USP33: variants seen among roughly 807,000 people sequenced by gnomAD.
The protein encoded by USP33 is ubiquitin carboxyl-terminal hydrolase 33.
A neutral mutation model predicts 124.2 loss-of-function variants in USP33; 46 were observed. That is an observed-to-expected ratio of 0.37 (90% confidence interval 0.29 to 0.47). The LOEUF (loss-of-function observed/expected upper bound fraction) is 0.47. Ranked by LOEUF, USP33 falls within the 20% of genes least tolerant of loss-of-function variation. The pLI is 0.99. For synonymous variants in USP33, 350 were observed against 352.3 expected (o/e 0.99, Z 0.07); for missense variants, 851 against 1,070.6 (o/e 0.79, Z 2.86).
At chr1:77,698,283 C>G (rs1303943339) in intron 22 of USP33, among the ~76,000 whole-genome samples, 2 of 147,284 alleles carry the variant, frequency 1.4e-5, no homozygotes, top group Admixed American at 1.4e-4. Flanking sequence ...CCATGTTGGT[C>G]AGGCTGGTCT....
In USP33 at chr1:77,713,057, C is replaced by T. The variant is rs1271229712; in HGVS notation, c.2297+143G>A. The T allele has an allele frequency of 4.8e-6, 3 of 624,436 alleles. No individual in the cohort carries two copies. The African/African-American group carries it at 5.9e-5, about 12-fold the overall frequency. The allele number at this position is 624,436 out of a possible 1,614,324, so 38.7% of individuals were successfully genotyped here. ...GACTATGCCACAGTAGCTACAAAGTCTTCCTACTCACACTTTAGAATGAAT... is the reference window on the plus strand; with the variant it reads ...GACTATGCCACAGTAGCTACAAAGTTTTCCTACTCACACTTTAGAATGAAT... On this transcript the variant is annotated intron_variant, in intron 20 of 23. Coordinates refer to ENST00000370794, the MANE Select transcript of USP33 (RefSeq NM_201624.3).
In USP33 at chr1:77,734,417, C is replaced by A; in HGVS notation, c.455-1G>T. The A allele has an allele frequency of 6.3e-7, 1 of 1,575,632 alleles. No individual in the cohort carries two copies. The highest frequency in any genetic ancestry group is 1.9e-5 in the Admixed American group (1 of 53,242). On this transcript the variant is annotated splice_acceptor_variant, in intron 6 of 23. Coordinates refer to ENST00000370794, the MANE Select transcript of USP33 (RefSeq NM_201624.3). LOFTEE classifies it high-confidence loss of function. The stretch of plus-strand genomic sequence containing the variant: ...CCAATATTTTTCAAACCTGTAAGAC[C>A]TATTAAGAAAAAATATACATGAAGT...
At chr1:77,700,836 G>A (rs1673927221) in intron 22 of USP33, among the ~76,000 whole-genome samples, 1 of 151,862 alleles carries the variant, frequency 6.6e-6, no homozygotes, top group Non-Finnish European at 1.5e-5. Flanking sequence ...GAGTAGCTGG[G>A]ATTACAGGTG....
At chr1:77,730,519 T>C (rs1203401637) in intron 8 of USP33, 99 bp downstream of exon 8, 1 of 851,258 alleles carries the variant, frequency 1.2e-6, no homozygotes, top group Non-Finnish European at 1.7e-6. Context: ...ATCTCTCTTC[T>C]ACTTTTTTCC....
At chr1:77,711,971 T>A in intron 20 of USP33, 116 bp from the exon 21 acceptor site, 1 of 1,057,996 alleles carries the variant, frequency 9.5e-7, no homozygotes, top group African/African-American at 1.7e-5. Flanking sequence ...CAAAGTAATA[T>A]AAAAATCAAA....
chr1:77,730,476 G>A, intron 8 of USP33, 142 bp downstream of exon 8: 1 of 519,494 alleles, frequency 1.9e-6, no homozygotes, highest in East Asian at 3.4e-5. Context: ...AGCTTCAAAT[G>A]TAACATGCCT....
At chr1:77,759,290 G>C (rs929510613) in intron 1 of USP33, 3 of 289,186 alleles carry the variant, frequency 1.0e-5, no homozygotes, top group Middle Eastern at 9.2e-4. Context: ...GAGAGGGACT[G>C]GCAAGCCTGA....
chr1:77,738,609 T>G (rs1186185857), intron 5 of USP33, among the ~76,000 whole-genome samples: 1 of 151,984 alleles, frequency 6.6e-6, no homozygotes, highest in African/African-American at 2.4e-5. Context: ...GCCTCCAAAG[T>G]AGCTGGGAAT....
intron 22 of USP33, among the ~76,000 whole-genome samples, chr1:77,699,475 C>T (rs1482875856): frequency 6.6e-6 from 1 of 152,138 alleles, no homozygotes; most frequent in African/African-American, 2.4e-5. Flanking sequence ...TGAGATCACG[C>T]CACTCCACTC....
intron 1 of USP33, among the ~76,000 whole-genome samples, chr1:77,751,443 A>C (rs1680322576): frequency 6.6e-6 from 1 of 152,086 alleles, no homozygotes; most frequent in South Asian, 2.1e-4. Context: ...GCTTGAACCC[A>C]GGAGTTCAAG....
In USP33 at chr1:77,739,281, T is replaced by C. The variant is rs1011314434; in HGVS notation, c.335A>G (p.Gln112Arg). ...LPHVRQPHQI[Q>R]ENSVQDFKIP... is the part of the protein sequence containing the mutation. ...GATTATTACCTGGACACTGTTTTCT[T>C]GTATTTGGTGAGGTTGTCTTACATG... Residue 112 changes from glutamine (Q) to arginine (R), a missense_variant, in exon 5 of 24, where the codon CAA becomes CGA. Gln to Arg is a conservative substitution (Grantham distance 43). Transcript: ENST00000370794. 6.2e-7 allele frequency: 1 copy of C among 1,612,718 alleles called. No individual in the cohort carries two copies. Among genetic ancestry groups the C allele is most frequent in the South Asian group, 1.1e-5 (1 of 90,684 alleles).
Position 77,744,233 on chromosome 1 carries a change from A to G in USP33, c.-51-2485T>C, listed in dbSNP as rs560573816. 1.4e-4 allele frequency among the ~76,000 whole-genome samples: 21 copies of G among 152,292 alleles called. 1 individual carries two copies. Among genetic ancestry groups the G allele is most frequent in the African/African-American group, 4.6e-4 (19 of 41,556 alleles). The stretch of plus-strand genomic sequence containing the variant: ...ATTTAAAGGAATGAAAAAATTCAGT[A>G]CCCATCAAGGTAAAAATCACAATAA... On this transcript the variant is annotated intron_variant, in intron 1 of 23. Coordinates refer to ENST00000370794, the MANE Select transcript of USP33 (RefSeq NM_201624.3).
At chr1:77,703,222 T>C (rs983948906) in intron 21 of USP33, among the ~76,000 whole-genome samples, 3 of 152,248 alleles carry the variant, frequency 2.0e-5, no homozygotes, top group Non-Finnish European at 2.9e-5. Flanking sequence ...ACAAGCCTTT[T>C]GCACTAACCC....
In USP33 at chr1:77,721,721, C is replaced by G; in HGVS notation, c.1657+110G>C. On this transcript the variant is annotated intron_variant, in intron 14 of 23. Coordinates refer to ENST00000370794, the MANE Select transcript of USP33 (RefSeq NM_201624.3). ...AACCGAATGCCAATATGTGAATGTA[C>G]TATTAAGCTGTCTTAAAACTGAGCT... 3 of 936,226 alleles carry G rather than the reference C, an allele frequency of 3.2e-6. No homozygotes were observed. The South Asian group carries it at 4.8e-5, about 15-fold the overall frequency. The allele number at this position is 936,226 out of a possible 1,614,324, so 58.0% of individuals were successfully genotyped here. A position where few individuals can be genotyped will look rare whatever the true frequency, so the allele number is the denominator to read the frequency against.
chr1:77,739,415 C>G lies in USP33; in HGVS notation c.201G>C (p.Glu67Asp), dbSNP rs1678861643. 6.3e-7 allele frequency: 1 copy of G among 1,593,092 alleles called. No individual in the cohort carries two copies. The highest frequency in any genetic ancestry group is 1.4e-5 in the African/African-American group (1 of 73,960). The change falls in exon 5 of 24, where the codon GAG (glutamate) becomes GAC (aspartate). Residue 67 changes from glutamate to aspartate, a missense_variant and splice_region_variant. Glu to Asp is a conservative substitution (Grantham distance 45). Transcript: ENST00000370794. ...GGTTCACAGTTAGATAATGCTTTGTCTCCTATATAATTTCACAGTAGAGGG... is the reference window on the plus strand; with the variant it reads ...GGTTCACAGTTAGATAATGCTTTGTGTCCTATATAATTTCACAGTAGAGGG... ...QVDHSTIHSQ[E>D]TKHYLTVNLT...
intron 9 of USP33, 80 bp downstream of exon 9, chr1:77,729,775 AAAGAT>A (rs1677588826): frequency 5.3e-6 from 7 of 1,311,512 alleles, no homozygotes; most frequent in Non-Finnish European, 7.7e-6. Flanking sequence ...GATGACCCCA[AAAGAT>A]AAGTAGACCC....
intron 22 of USP33, 112 bp from the exon 23 acceptor site, chr1:77,698,043 C>A: frequency 1.3e-6 from 1 of 748,292 alleles, no homozygotes. Flanking sequence ...CTGGTTATTT[C>A]TCAGGCAAAT....
At chr1:77,714,058 T>C (rs1675590496) in intron 19 of USP33, among the ~76,000 whole-genome samples, 1 of 152,210 alleles carries the variant, frequency 6.6e-6, no homozygotes, top group Admixed American at 6.5e-5. Flanking sequence ...AAAGGTCCTA[T>C]TTATTGTAGA....
At chr1:77,709,977 A>C (rs1025362880) in intron 21 of USP33, among the ~76,000 whole-genome samples, 1 of 152,056 alleles carries the variant, frequency 6.6e-6, no homozygotes, top group African/African-American at 2.4e-5. Context: ...TCCAATAACA[A>C]CACAAGGTAC....
Sources: gnomAD v4.1 joint callset for allele counts (sites outside exome capture counted in the v4.1 genomes callset) on GRCh38, gnomAD v4.1.1 for gene constraint, MANE v1.5 for transcripts, NCBI Gene and HGNC (gene_info 2026-07-23, HGNC 2026-07-21) for gene names.